The following PCDHGA3 variants were observed in gnomAD, a reference collection of about 807,000 sequenced individuals.
The protein encoded by PCDHGA3 is protocadherin gamma-A3.
PCDHGA3 carries 40 observed loss-of-function variants against 58.5 expected under a neutral mutation model. The observed-to-expected ratio is 0.68, with a 90% CI of 0.53 to 0.89. The LOEUF is 0.89. Ranked by LOEUF, PCDHGA3 falls within the 40% of genes least tolerant of loss-of-function variation. The pLI is 0.00. For synonymous variants in PCDHGA3, 530 were observed against 525.7 expected (o/e 1.01, Z -0.11); for missense variants, 1,223 against 1,195.9 (o/e 1.02, Z -0.33).
At chr5:141,414,300 G>T in intron 1 of PCDHGA3, 7 of 1,613,560 alleles carry the variant, frequency 4.3e-6, no homozygotes, top group Non-Finnish European at 5.9e-6. Context: ...TTTTAAATGT[G>T]CATGATTTAG....
chr5:141,350,699 G>A (rs1758541780), intron 1 of PCDHGA3: 1 of 1,613,844 alleles, frequency 6.2e-7, no homozygotes, highest in East Asian at 2.2e-5. Context: ...CTTACCCGGG[G>A]TAAAATTCTC....
chr5:141,490,688 CTG>C lies in PCDHGA3; in HGVS notation c.2425-4118_2425-4117del. 6.2e-7 allele frequency: 1 copy of C among 1,614,218 alleles called. No homozygotes were observed. On this transcript the variant is annotated intron_variant, in intron 1 of 3. Coordinates refer to ENST00000253812, the MANE Select transcript of PCDHGA3 (RefSeq NM_018916.4). This position sits in a 1 kb window ranked among gnomAD's most constrained non-coding sequence, Gnocchi z 5.4. ...ACTGTGGCTGCCTCAGATCCAGACA[CTG>C]GGGATAATGCCCGCCTCACCTACTC... is the stretch of plus-strand genomic sequence containing the variant.
chr5:141,368,109 C>T (rs1489519335), intron 1 of PCDHGA3, among the ~76,000 whole-genome samples: 2 of 152,118 alleles, frequency 1.3e-5, no homozygotes, highest in Non-Finnish European at 2.9e-5. Context: ...TCAGATGTTT[C>T]TTATTAAAAT....
intron 1 of PCDHGA3, among the ~76,000 whole-genome samples, chr5:141,436,175 A>G (rs1263518258): frequency 1.3e-5 from 2 of 152,192 alleles, no homozygotes; most frequent in Non-Finnish European, 2.9e-5. Flanking sequence ...CAGTTCTCAT[A>G]TATAGTCAAA....
At chr5:141,415,804 A>C in intron 1 of PCDHGA3, 1 of 1,366,960 alleles carries the variant, frequency 7.3e-7, no homozygotes, top group Non-Finnish European at 9.4e-7. Flanking sequence ...AGTCTCAATC[A>C]AGGCCTATAT....
chr5:141,367,277 G>T (rs1319740168), intron 1 of PCDHGA3: 2 of 153,324 alleles, frequency 1.3e-5, no homozygotes, highest in African/African-American at 4.8e-5. Context: ...GGTGGCTGAC[G>T]CCTGTAATCC....
intron 1 of PCDHGA3, chr5:141,475,801 A>G: frequency 3.2e-6 from 1 of 312,546 alleles, no homozygotes. Flanking sequence ...AGGAAGCCAA[A>G]GGAAAGTGAA....
chr5:141,458,394 T>A (rs2098944697), intron 1 of PCDHGA3, among the ~76,000 whole-genome samples: 1 of 152,062 alleles, frequency 6.6e-6, no homozygotes, highest in African/African-American at 2.4e-5. Context: ...ACGCTCCCCC[T>A]TGCAGAGACG....
At chr5:141,488,348 C>T (rs1231687770) in intron 1 of PCDHGA3, among the ~76,000 whole-genome samples, 1 of 152,106 alleles carries the variant, frequency 6.6e-6, no homozygotes, top group Non-Finnish European at 1.5e-5. Flanking sequence ...TAGAAACAGC[C>T]ACCCTGTGCA....
chr5:141,346,816 T>A (rs1341406572), intron 1 of PCDHGA3, among the ~76,000 whole-genome samples: 1 of 152,256 alleles, frequency 6.6e-6, no homozygotes, highest in Non-Finnish European at 1.5e-5. Context: ...CTGGTTTGTA[T>A]ACCTGTGATA....
At chr5:141,464,008 G>A (rs1484928987) in intron 1 of PCDHGA3, among the ~76,000 whole-genome samples, 6 of 151,674 alleles carry the variant, frequency 4.0e-5, no homozygotes, top group Non-Finnish European at 7.4e-5. Flanking sequence ...GCTCATGCTT[G>A]TAATCCCACA....
chr5:141,495,384 C>A (rs2099760896), intron 2 of PCDHGA3, among the ~76,000 whole-genome samples: 1 of 152,190 alleles, frequency 6.6e-6, no homozygotes, highest in African/African-American at 2.4e-5. Flanking sequence ...AAGGACTGGG[C>A]GGGGCATGGA....
intron 1 of PCDHGA3, chr5:141,416,766 T>C (rs906070451): frequency 2.0e-5 from 3 of 152,212 alleles, no homozygotes; most frequent in African/African-American, 7.2e-5. Context: ...GATCTCTTAA[T>C]TTTATTACTA....
chr5:141,376,360 C>A lies in PCDHGA3; in HGVS notation c.2424+29903C>A, dbSNP rs1772602166. The stretch of plus-strand genomic sequence containing the variant: ...AGACCTATTCCCACGAGGTCTCACT[C>A]ACTGCAGACTCGCGTAAGAGTCATC... On this transcript the variant is annotated intron_variant, in intron 1 of 3. Transcript: ENST00000253812. 5 of 1,614,236 alleles carry A rather than the reference C, an allele frequency of 3.1e-6. No homozygotes were observed. In the African/African-American group the frequency reaches 6.7e-5, roughly 22 times the overall value.
At chr5:141,393,374 T>A (rs11575958) in intron 1 of PCDHGA3, 1 of 1,613,626 alleles carries the variant, frequency 6.2e-7, no homozygotes, top group Admixed American at 1.7e-5. Context: ...CTGGAGACAA[T>A]GGAGCCATAA....
chr5:141,497,730 G>T (rs13182286), intron 2 of PCDHGA3, among the ~76,000 whole-genome samples: 247 of 152,136 alleles, frequency 1.6e-3, no homozygotes, highest in Non-Finnish European at 2.8e-3. Flanking sequence ...AGTAGAGATG[G>T]GTTTCGCCAC....
At chr5:141,483,840 T>C (rs996866862) in intron 1 of PCDHGA3, among the ~76,000 whole-genome samples, 2 of 152,172 alleles carry the variant, frequency 1.3e-5, no homozygotes, top group South Asian at 2.1e-4. Context: ...AAGGACTTGG[T>C]TGAATTAAGA....
chr5:141,429,528 A>T (rs1405050386), intron 1 of PCDHGA3, among the ~76,000 whole-genome samples: 1 of 152,166 alleles, frequency 6.6e-6, no homozygotes, highest in African/African-American at 2.4e-5. Context: ...AAAAAAGCTT[A>T]AAAAAATAAG....
intron 1 of PCDHGA3, among the ~76,000 whole-genome samples, chr5:141,346,853 T>A (rs1757817314): frequency 6.6e-6 from 1 of 152,228 alleles, no homozygotes; most frequent in East Asian, 1.9e-4. Context: ...TTTAAATCCC[T>A]GTGCTTTGGA....
Sources: allele counts gnomAD v4.1 joint callset (sites outside exome capture counted in the v4.1 genomes callset), GRCh38; gene constraint gnomAD v4.1.1; non-coding constraint Gnocchi (gnomAD v3.1); transcripts MANE v1.5; gene names NCBI Gene and HGNC (gene_info 2026-07-23, HGNC 2026-07-21).